PARP8: variants seen among roughly 807,000 people sequenced by gnomAD.
PARP8 encodes the protein protein mono-ADP-ribosyltransferase PARP8.
In PARP8, 51 loss-of-function variants were observed where a neutral mutation model predicts 124.1. That is an observed-to-expected ratio of 0.41 (90% CI 0.33 to 0.52). The LOEUF is 0.52. Ranked by LOEUF, PARP8 falls within the 20% of genes least tolerant of loss-of-function variation. The pLI, the probability that PARP8 is intolerant of heterozygous loss-of-function variation, is 0.21. For synonymous variants in PARP8, 391 were observed against 361.5 expected, an observed-to-expected ratio of 1.08 and a Z score of -0.93; for missense variants, 860 against 1,018.9, an observed-to-expected ratio of 0.84 and a Z score of 2.12.
At chr5:50,796,420 C>T (rs1051981499) in intron 12 of PARP8, among the ~76,000 whole-genome samples, 9 of 152,138 alleles carry the variant, frequency 5.9e-5, no homozygotes, top group Admixed American at 2.0e-4. Flanking sequence ...CTCAAACATA[C>T]GTTTTAAGGA....
intron 22 of PARP8, 120 bp downstream of exon 22, chr5:50,830,081 G>A (rs1429939235): frequency 1.7e-6 from 2 of 1,189,732 alleles, no homozygotes; most frequent in African/African-American, 3.1e-5. Flanking sequence ...AAATTTGTTT[G>A]CTAAATGTCA....
intron 2 of PARP8, among the ~76,000 whole-genome samples, chr5:50,740,300 A>G (rs1459098153): frequency 2.6e-5 from 4 of 152,186 alleles, no homozygotes; most frequent in African/African-American, 4.8e-5. Flanking sequence ...AGGAGATGAC[A>G]TCTGAATTGA....
chr5:50,797,819 A>G (rs2149656711), intron 14 of PARP8, among the ~76,000 whole-genome samples: 1 of 152,376 alleles, frequency 6.6e-6, no homozygotes, highest in East Asian at 1.9e-4. Flanking sequence ...TATTGCTAAA[A>G]TATAACTTAT....
chr5:50,747,154 G>GTTTTTTTTTT (rs370243477), intron 2 of PARP8, among the ~76,000 whole-genome samples: 1 of 121,914 alleles, frequency 8.2e-6, no homozygotes, highest in African/African-American at 3.3e-5. Flanking sequence ...TTTTTTGTTT[G>GTTTTTTTTTT]TTTGTTTTGT....
At chr5:50,793,348 C>T (rs1742172993) in intron 10 of PARP8, among the ~76,000 whole-genome samples, 1 of 152,112 alleles carries the variant, frequency 6.6e-6, no homozygotes, top group South Asian at 2.1e-4. Context: ...TTCATGTCTA[C>T]TTAAGTATTA....
chr5:50,729,124 C>T (rs1235905753), intron 2 of PARP8, among the ~76,000 whole-genome samples: 1 of 152,014 alleles, frequency 6.6e-6, no homozygotes, highest in Non-Finnish European at 1.5e-5. Context: ...CAAAATAAAA[C>T]TAGATAAATT....
intron 2 of PARP8, among the ~76,000 whole-genome samples, chr5:50,729,524 T>G (rs549103243): frequency 1.3e-5 from 2 of 152,312 alleles, no homozygotes; most frequent in African/African-American, 2.4e-5. Flanking sequence ...AGCCTTAATA[T>G]TCTTGCGTGT....
chr5:50,721,020 A>G (rs1381955347), intron 2 of PARP8, among the ~76,000 whole-genome samples: 1 of 151,432 alleles, frequency 6.6e-6, no homozygotes, highest in Non-Finnish European at 1.5e-5. Context: ...GTTCTGATAC[A>G]TCTCCTGTGT....
chr5:50,841,834 C>T lies in PARP8; in HGVS notation c.2463-132C>T, dbSNP rs574745372. 23 of 577,722 alleles carry T rather than the reference C, an allele frequency of 4.0e-5. No homozygotes were observed. The African/African-American group carries it at 4.6e-4, about 11-fold the overall frequency. The allele number at this position is 577,722 out of a possible 1,614,324, so 35.8% of individuals were successfully genotyped here. A position where few individuals can be genotyped will look rare whatever the true frequency, so the allele number is the denominator to read the frequency against. On this transcript the variant is annotated intron_variant, in intron 25 of 25. Coordinates refer to ENST00000281631, the MANE Select transcript of PARP8 (RefSeq NM_024615.4). ...CAATGAGAACACATTGTTAAATACA[C>T]CTGAAAAACAACCGTATAATTTGCT...
At chr5:50,768,491 G>A (rs1415959775) in intron 7 of PARP8, among the ~76,000 whole-genome samples, 1 of 152,110 alleles carries the variant, frequency 6.6e-6, no homozygotes, top group Non-Finnish European at 1.5e-5. Flanking sequence ...ATTCTTTTCA[G>A]ACCAGAATGA....
intron 1 of PARP8, 185 bp from the exon 2 acceptor site, chr5:50,667,886 T>A: frequency 1.3e-6 from 2 of 1,495,552 alleles, no homozygotes; most frequent in South Asian, 2.5e-5. Flanking sequence ...GGCCTCCCGC[T>A]GCACCCAGTC....
Position 50,787,201 on chromosome 5 carries a change from G to A in PARP8, c.671-1322G>A, listed in dbSNP as rs1182120420. Among the ~76,000 whole-genome samples, 3 of 152,038 alleles carry A rather than the reference G, an allele frequency of 2.0e-5. No individual in the cohort carries two copies. In the South Asian group the frequency reaches 6.2e-4, roughly 32 times the overall value. On this transcript the variant is annotated intron_variant, in intron 9 of 25. Transcript: ENST00000281631. ...CAAAATGTTCATCACCTCCACGGAC[G>A]AAGTTCTATATATCTTGCTTCACTT...
intron 2 of PARP8, among the ~76,000 whole-genome samples, chr5:50,709,108 A>G (rs1411680468): frequency 1.3e-5 from 2 of 151,952 alleles, no homozygotes; most frequent in Admixed American, 1.3e-4. Context: ...TTGTATTTAT[A>G]TCTTTGATAA....
At chr5:50,792,483 T>G (rs27627) in intron 10 of PARP8, among the ~76,000 whole-genome samples, 23,574 of 151,954 alleles carry the variant, frequency 0.16, 2,227 homozygotes, top group African/African-American at 0.27. Flanking sequence ...TGACCTGTTT[T>G]TTTTTTTGTT....
chr5:50,799,672 G>A (rs1742973230), intron 14 of PARP8, among the ~76,000 whole-genome samples: 1 of 152,170 alleles, frequency 6.6e-6, no homozygotes, highest in African/African-American at 2.4e-5. Context: ...GCTATAGACT[G>A]GATGTGTTCC....
intron 14 of PARP8, 53 bp downstream of exon 14, chr5:50,797,286 A>G: frequency 8.2e-7 from 1 of 1,222,926 alleles, no homozygotes; most frequent in East Asian, 2.6e-5. Flanking sequence ...AGAAATATAG[A>G]AAAGATTTGA....
Position 50,823,581 on chromosome 5 carries a change from G to C in PARP8, c.1860+1181G>C, listed in dbSNP as rs59373713. ...AACAATAAAATGTATTTCCACCTAG[G>C]AGAAAAAAAGAACATATTGGAATAT... On this transcript the variant is annotated intron_variant, in intron 17 of 25. Transcript: ENST00000281631. 9.2e-4 allele frequency among the ~76,000 whole-genome samples: 140 copies of C among 151,932 alleles called. 1 individual carries two copies. The highest frequency in any genetic ancestry group is 3.3e-3 in the African/African-American group (135 of 41,460).
chr5:50,821,436 A>G (rs1745757887), intron 16 of PARP8, 98 bp downstream of exon 16: 2 of 1,328,616 alleles, frequency 1.5e-6, no homozygotes, highest in Admixed American at 3.8e-5. Flanking sequence ...TTCTATCTAA[A>G]TCTCTATCTC....
At chr5:50,666,542 C>G (rs1749296194), upstream of PARP8, 1 of 150,666 alleles carries the variant, frequency 6.6e-6, no homozygotes, top group Non-Finnish European at 1.5e-5. Flanking sequence ...GGCGGGGTGA[C>G]TAGGCGGCGG....
Sources: allele counts gnomAD v4.1 joint callset (sites outside exome capture counted in the v4.1 genomes callset), GRCh38; gene constraint gnomAD v4.1.1; transcripts MANE v1.5; gene names NCBI Gene and HGNC (gene_info 2026-07-23, HGNC 2026-07-21).